PTPRD: variants seen among roughly 807,000 people sequenced by gnomAD.
PTPRD encodes the protein receptor-type tyrosine-protein phosphatase delta.
Under a neutral mutation model 214.5 loss-of-function variants are expected in PTPRD, and 34 were observed. That is an observed-to-expected ratio of 0.16 (90% CI 0.12 to 0.21). PTPRD has a LOEUF of 0.21. Ranked by LOEUF, PTPRD falls within the 10% of genes least tolerant of loss-of-function variation. The pLI, the probability that PTPRD is intolerant of heterozygous loss-of-function variation, is 1.00. For missense variants in PTPRD, 2,545 were observed against 2,398.7 expected (o/e 1.06, Z -1.27); for synonymous variants, 1,128 against 845.7 (o/e 1.33, Z -5.79).
intron 11 of PTPRD, among the ~76,000 whole-genome samples, chr9:8,914,925 C>A (rs1388725990): frequency 1.3e-5 from 2 of 152,234 alleles, no homozygotes; most frequent in East Asian, 3.9e-4. Flanking sequence ...TTCTACCATC[C>A]TGTCCTTAGT....
At chr9:8,346,172 T>C (rs374002025) in intron 39 of PTPRD, among the ~76,000 whole-genome samples, 4 of 147,312 alleles carry the variant, frequency 2.7e-5, no homozygotes, top group African/African-American at 9.7e-5. Flanking sequence ...CCTCTTACCC[T>C]GCAAAATAAT....
chr9:8,813,161 A>G lies in PTPRD; in HGVS notation c.-103-79215T>C, dbSNP rs113482775. Reference sequence around the variant, plus strand: ...TCCAATGTGTTCAATTCTGGGCAGTACTCCAGTGGACATTTTTCATTAATG... The same window carrying G: ...TCCAATGTGTTCAATTCTGGGCAGTGCTCCAGTGGACATTTTTCATTAATG... On this transcript the variant is annotated intron_variant, in intron 11 of 45. Transcript: ENST00000381196. Among the ~76,000 whole-genome samples, 1,036 of 152,162 alleles carry G rather than the reference A, an allele frequency of 6.8e-3. 13 individuals carry two copies. The highest frequency in any genetic ancestry group is 0.024 in the African/African-American group (986 of 41,512).
chr9:9,712,985 T>C (rs1057343675), intron 7 of PTPRD, among the ~76,000 whole-genome samples: 1 of 152,232 alleles, frequency 6.6e-6, no homozygotes, highest in Non-Finnish European at 1.5e-5. Flanking sequence ...TCGCTAATCT[T>C]GTCCAGTTTA....
chr9:9,649,700 G>A (rs1021690839), intron 7 of PTPRD, among the ~76,000 whole-genome samples: 13 of 152,088 alleles, frequency 8.5e-5, no homozygotes, highest in African/African-American at 3.1e-4. Context: ...TTCCACCTTG[G>A]AGTGGGATAA....
chr9:8,420,340 G>A (rs2094267823), intron 35 of PTPRD, among the ~76,000 whole-genome samples: 1 of 152,210 alleles, frequency 6.6e-6, no homozygotes, highest in East Asian at 1.9e-4. Context: ...TAAAGAAGGA[G>A]CATTCATGAT....
At chr9:10,276,020 C>G (rs1029340233) in intron 3 of PTPRD, among the ~76,000 whole-genome samples, 1 of 152,094 alleles carries the variant, frequency 6.6e-6, no homozygotes, top group Admixed American at 6.5e-5. Context: ...TATCTTGTCC[C>G]TTTCAGTTGG....
intron 3 of PTPRD, among the ~76,000 whole-genome samples, chr9:10,230,478 G>A (rs201779668): frequency 3.2e-4 from 24 of 75,160 alleles, no homozygotes; most frequent in South Asian, 1.3e-3. Context: ...CTATCTATCT[G>A]TCTATCTACC....
chr9:8,546,215 TA>T (rs1223160344), intron 14 of PTPRD, among the ~76,000 whole-genome samples: 3 of 152,202 alleles, frequency 2.0e-5, no homozygotes, highest in Non-Finnish European at 4.4e-5. Flanking sequence ...CCATATAATA[TA>T]AAAACTGATT....
chr9:8,952,692 ATAT>A (rs1023330197), intron 11 of PTPRD, among the ~76,000 whole-genome samples: 2 of 152,026 alleles, frequency 1.3e-5, no homozygotes, highest in East Asian at 1.9e-4. Context: ...GGAAGAAAAA[ATAT>A]TATTTATTTG....
rs114973488 is a variant in PTPRD, at chr9:8,746,895, T to C, written c.-103-12949A>G. 4.5e-3 allele frequency among the ~76,000 whole-genome samples: 691 copies of C among 152,268 alleles called. 7 individuals carry two copies. The highest frequency in any genetic ancestry group is 0.016 in the African/African-American group (677 of 41,554). On this transcript the variant is annotated intron_variant, in intron 11 of 45. Coordinates refer to ENST00000381196, the MANE Select transcript of PTPRD (RefSeq NM_002839.4). Reference sequence around the variant, plus strand: ...ACATAGGCCTTTTGAAACCCAGATATTTATATTTCAAAGTAGAGGAGTAGT... The same window carrying C: ...ACATAGGCCTTTTGAAACCCAGATACTTATATTTCAAAGTAGAGGAGTAGT...
chr9:10,454,107 T>C (rs906697975), intron 2 of PTPRD, among the ~76,000 whole-genome samples: 3 of 148,626 alleles, frequency 2.0e-5, no homozygotes, highest in African/African-American at 7.3e-5. Context: ...TCTGTTTCTA[T>C]GAAAAAAATA....
intron 14 of PTPRD, among the ~76,000 whole-genome samples, chr9:8,542,634 G>A (rs183940816): frequency 6.7e-4 from 102 of 152,344 alleles, no homozygotes; most frequent in African/African-American, 2.4e-3. Flanking sequence ...CAATAGAGCT[G>A]CCCCTGGATG....
intron 5 of PTPRD, among the ~76,000 whole-genome samples, chr9:9,786,892 C>T (rs1472768825): frequency 1.3e-5 from 2 of 152,056 alleles, no homozygotes; most frequent in African/African-American, 4.8e-5. Flanking sequence ...CATCTGTCTT[C>T]CCAGCACTTT....
At chr9:10,094,567 C>T (rs1246262294) in intron 3 of PTPRD, among the ~76,000 whole-genome samples, 16 of 128,038 alleles carry the variant, frequency 1.2e-4, no homozygotes, top group African/African-American at 4.9e-4. Flanking sequence ...TGAAATGGGG[C>T]AGAGTAACTG....
intron 9 of PTPRD, among the ~76,000 whole-genome samples, chr9:9,383,774 C>A (rs1445010739): frequency 1.3e-5 from 2 of 152,048 alleles, no homozygotes; most frequent in African/African-American, 4.8e-5. Context: ...TTCTCCCTTA[C>A]GCTAAAATTC....
At chr9:10,080,107 T>C (rs899898254) in intron 3 of PTPRD, among the ~76,000 whole-genome samples, 1 of 152,018 alleles carries the variant, frequency 6.6e-6, no homozygotes, top group African/African-American at 2.4e-5. Flanking sequence ...AAGTAAAACC[T>C]AAATGCAAAG....
chr9:10,417,541 G>A (rs888464345), intron 2 of PTPRD, among the ~76,000 whole-genome samples: 2 of 151,814 alleles, frequency 1.3e-5, no homozygotes, highest in East Asian at 3.9e-4. Context: ...TAGCTTAAAA[G>A]AAACTAAATA....
intron 11 of PTPRD, among the ~76,000 whole-genome samples, chr9:8,769,596 G>T (rs1446933230): frequency 6.6e-6 from 1 of 152,120 alleles, no homozygotes. Flanking sequence ...CCACTCATCT[G>T]AATACCAATT....
At chr9:9,928,336 G>C (rs973748546) in intron 5 of PTPRD, among the ~76,000 whole-genome samples, 3 of 152,092 alleles carry the variant, frequency 2.0e-5, no homozygotes, top group African/African-American at 7.2e-5. Context: ...TTCATAAAAG[G>C]AAGATGCTTT....
Sources: gnomAD v4.1 joint callset for allele counts (sites outside exome capture counted in the v4.1 genomes callset) on GRCh38, gnomAD v4.1.1 for gene constraint, MANE v1.5 for transcripts, NCBI Gene and HGNC (gene_info 2026-07-23, HGNC 2026-07-21) for gene names.